Variants in EPC1 observed in about 807,000 individuals in gnomAD.
EPC1 encodes the protein enhancer of polycomb 1.
Under a neutral mutation model 98.4 loss-of-function variants are expected in EPC1, and 12 were observed. The observed-to-expected ratio is 0.12, with a 90% CI of 0.08 to 0.20. The LOEUF (loss-of-function observed/expected upper bound fraction) is 0.20, where lower values mean the gene tolerates loss of function less well. Among genes scored for constraint, EPC1 ranks in the 10% least tolerant of loss-of-function variants. The pLI is 1.00. For synonymous variants in EPC1, 357 were observed against 363.9 expected (o/e 0.98, Z 0.21); for missense variants, 729 against 990.5 (o/e 0.74, Z 3.54).
At chr10:32,335,786 C>T (rs1317638607) in intron 1 of EPC1, among the ~76,000 whole-genome samples, 1 of 152,166 alleles carries the variant, frequency 6.6e-6, no homozygotes, top group Non-Finnish European at 1.5e-5. Flanking sequence ...TCCTCTACTC[C>T]ATCTCAGCCA....
intron 1 of EPC1, among the ~76,000 whole-genome samples, chr10:32,328,913 T>C (rs1026259654): frequency 2.0e-5 from 3 of 152,328 alleles, no homozygotes; most frequent in African/African-American, 7.2e-5. Flanking sequence ...AGGAAACACA[T>C]ACAGGTCTGA....
chr10:32,377,810 G>GA (rs1839899944), intron 1 of EPC1, among the ~76,000 whole-genome samples: 2 of 150,142 alleles, frequency 1.3e-5, no homozygotes, highest in Non-Finnish European at 1.5e-5. Flanking sequence ...TGTGCAAAAA[G>GA]AAAAAAAATT....
chr10:32,304,918 TAA>T lies in EPC1; in HGVS notation c.313+852_313+853del, dbSNP rs11351207. ...TGGGCAACAGAGTGAAACTCCGTCT[TAA>T]AAAAAAAAAAAAAAAAGAAAAAAGA... On this transcript the variant is annotated intron_variant, in intron 2 of 13. Coordinates refer to ENST00000319778, the MANE Select transcript of EPC1 (RefSeq NM_001272004.3). 7.9e-3 allele frequency among the ~76,000 whole-genome samples: 940 copies of T among 119,416 alleles called. 6 individuals carry two copies. Among genetic ancestry groups the T allele is most frequent in the African/African-American group, 0.023 (729 of 31,806 alleles). The allele number at this position is 119,416 out of a possible 152,430, so 78.3% of individuals were successfully genotyped here.
chr10:32,283,873 C>T (rs1011545882), intron 10 of EPC1: 15 of 152,046 alleles, frequency 9.9e-5, no homozygotes, highest in Admixed American at 8.5e-4. Flanking sequence ...TTTTTTTAAC[C>T]ACCAAGTAAA....
intron 1 of EPC1, among the ~76,000 whole-genome samples, chr10:32,316,032 A>G (rs551519734): frequency 8.9e-4 from 135 of 152,276 alleles, no homozygotes; most frequent in African/African-American, 3.2e-3. Context: ...TCACTCTGCT[A>G]TAGTCATACT....
At chr10:32,346,486 G>A (rs1838821433) in intron 1 of EPC1, 1 of 402,228 alleles carries the variant, frequency 2.5e-6, no homozygotes, top group Non-Finnish European at 4.5e-6. Context: ...CGGCAGCTTC[G>A]TCACGTGACC....
rs1344461339 is a variant in EPC1, at chr10:32,271,859, A to G, written c.2064T>C (p.Ser688=). The G allele has an allele frequency of 6.2e-7, 1 of 1,614,152 alleles. No homozygotes were observed. The highest frequency in any genetic ancestry group is 8.5e-7 in the Non-Finnish European group (1 of 1,180,032). The change falls in exon 13 of 14, where the codon AGT becomes AGC. Residue 688 remains serine, a synonymous_variant. Transcript: ENST00000319778. ...ACAAAGCTGAACCTGCCGTTGATGGACTTGTATGTACAAGTGCTGTTGGTG... is the reference window on the plus strand; with the variant it reads ...ACAAAGCTGAACCTGCCGTTGATGGGCTTGTATGTACAAGTGCTGTTGGTG... The part of the protein sequence containing the change: ...STTPTALVHT[S]PSTAGSALLQ...
intron 1 of EPC1, among the ~76,000 whole-genome samples, chr10:32,329,679 A>G (rs1837525010): frequency 6.6e-6 from 1 of 152,226 alleles, no homozygotes; most frequent in Non-Finnish European, 1.5e-5. Context: ...AGACTAAACT[A>G]GAAACACATG....
At chr10:32,332,189 T>C (rs189745309) in intron 1 of EPC1, among the ~76,000 whole-genome samples, 21 of 152,320 alleles carry the variant, frequency 1.4e-4, no homozygotes, top group African/African-American at 5.1e-4. Flanking sequence ...AGTGCTGTGT[T>C]AGGGCTTGGA....
chr10:32,327,062 GACACACAC>G (rs57395657), intron 1 of EPC1, among the ~76,000 whole-genome samples: 19 of 142,356 alleles, frequency 1.3e-4, no homozygotes, highest in Middle Eastern at 3.5e-3. Flanking sequence ...AAAATGTGGT[GACACACAC>G]ACACACACAC....
chr10:32,294,942 G>C (rs1835061077), intron 2 of EPC1, among the ~76,000 whole-genome samples: 2 of 151,860 alleles, frequency 1.3e-5, no homozygotes. Context: ...AAAAATCCCT[G>C]TTTTTCTGCT....
chr10:32,308,007 C>A (rs900595004), intron 1 of EPC1, among the ~76,000 whole-genome samples: 6 of 152,214 alleles, frequency 3.9e-5, no homozygotes, highest in African/African-American at 1.2e-4. Context: ...TAGAACATAG[C>A]ATTCAAGCAT....
intron 2 of EPC1, among the ~76,000 whole-genome samples, chr10:32,300,427 T>G: frequency 6.7e-6 from 1 of 149,346 alleles, no homozygotes; most frequent in Non-Finnish European, 1.5e-5. Context: ...AGTGTATCAA[T>G]TCAACTCTTT....
At chr10:32,373,951 AC>A (rs1839819268) in intron 1 of EPC1, among the ~76,000 whole-genome samples, 1 of 152,162 alleles carries the variant, frequency 6.6e-6, no homozygotes, top group Admixed American at 6.6e-5. Flanking sequence ...AATATAACAC[AC>A]CTAGCTACTA....
chr10:32,269,028 T>G lies in EPC1; in HGVS notation c.*35A>C. On this transcript the variant is annotated 3_prime_UTR_variant, in exon 14 of 14. Transcript: ENST00000319778. ...AATGCTACTGATGCATAGCACCTAATCAAGTCCCCAGGCTGCAGTTCCACT... is the reference window on the plus strand; with the variant it reads ...AATGCTACTGATGCATAGCACCTAAGCAAGTCCCCAGGCTGCAGTTCCACT... The G allele has an allele frequency of 6.3e-7, 1 of 1,583,974 alleles. No homozygotes were observed. The highest frequency in any genetic ancestry group is 8.7e-7 in the Non-Finnish European group (1 of 1,153,948).
intron 1 of EPC1, among the ~76,000 whole-genome samples, chr10:32,314,047 G>A (rs1185622612): frequency 6.6e-6 from 1 of 152,038 alleles, no homozygotes; most frequent in African/African-American, 2.4e-5. Flanking sequence ...ACAATTAATT[G>A]CTGTAACACC....
At chr10:32,378,527 A>C (rs1235023809) in exon 1 of EPC1, 1 of 1,530,796 alleles carries the variant, frequency 6.5e-7, no homozygotes, top group African/African-American at 1.4e-5. Context: ...GTTCTTGAAA[A>C]AAAATTGTAA....
At chr10:32,317,115 C>G (rs1836601243) in intron 1 of EPC1, among the ~76,000 whole-genome samples, 1 of 152,140 alleles carries the variant, frequency 6.6e-6, no homozygotes. Context: ...TTCCCTAGCA[C>G]TTGTGACTTC....
At chr10:32,369,217 G>A (rs537836458) in intron 1 of EPC1, among the ~76,000 whole-genome samples, 84 of 152,258 alleles carry the variant, frequency 5.5e-4, no homozygotes, top group African/African-American at 1.9e-3. Context: ...GAAAGAATAT[G>A]ACATTCTGCC....
Sources: allele counts gnomAD v4.1 joint callset (sites outside exome capture counted in the v4.1 genomes callset), GRCh38; gene constraint gnomAD v4.1.1; transcripts MANE v1.5; gene names NCBI Gene and HGNC (gene_info 2026-07-23, HGNC 2026-07-21).